TPCN1: variants seen among roughly 807,000 people sequenced by gnomAD.
The protein encoded by TPCN1 is two pore channel protein 1.
TPCN1 carries 52 observed loss-of-function variants against 108.8 expected under a neutral mutation model. That is an observed-to-expected ratio of 0.48 (90% CI 0.38 to 0.60). The LOEUF is 0.60. TPCN1 is among the 20% of genes least tolerant of loss of function. The pLI is 0.00. For synonymous variants in TPCN1, 446 were observed against 433.7 expected (o/e 1.03, Z -0.35); for missense variants, 806 against 1,072.8 (o/e 0.75, Z 3.47).
At chr12:113,239,084 T>G (rs1275313745) in intron 2 of TPCN1, among the ~76,000 whole-genome samples, 1 of 152,158 alleles carries the variant, frequency 6.6e-6, no homozygotes, top group Non-Finnish European at 1.5e-5. Context: ...CAGTGAGCCA[T>G]GATCACACTA....
intron 2 of TPCN1, chr12:113,246,048 C>T: frequency 4.4e-6 from 2 of 456,056 alleles, no homozygotes; most frequent in Non-Finnish European, 8.8e-6. Context: ...GGGAGTGTTA[C>T]CGTGTGTGCA....
chr12:113,234,954 C>G (rs1241158186), intron 2 of TPCN1, among the ~76,000 whole-genome samples: 1 of 152,188 alleles, frequency 6.6e-6, no homozygotes, highest in African/African-American at 2.4e-5. Context: ...TGCCCCTGCT[C>G]TCTCTGACGT....
intron 1 of TPCN1, among the ~76,000 whole-genome samples, chr12:113,223,055 A>C (rs1423792239): frequency 3.9e-5 from 6 of 152,250 alleles, no homozygotes; most frequent in Admixed American, 3.9e-4. Flanking sequence ...TAAGACTGCC[A>C]AATAGTAGTG....
At chr12:113,283,106 T>A (rs554236996) in intron 15 of TPCN1, among the ~76,000 whole-genome samples, 1 of 152,208 alleles carries the variant, frequency 6.6e-6, no homozygotes, top group African/African-American at 2.4e-5. Flanking sequence ...TTATGTAAAA[T>A]ACTTACATGG....
intron 12 of TPCN1, 70 bp from the exon 13 acceptor site, chr12:113,278,119 A>T: frequency 7.2e-7 from 1 of 1,386,118 alleles, no homozygotes; most frequent in Non-Finnish European, 1.0e-6. Flanking sequence ...ATAGGCAGGC[A>T]AGTAAGAGAA....
chr12:113,241,793 T>TGTGTGTGTGTGTGCGC (rs776600301), intron 2 of TPCN1, among the ~76,000 whole-genome samples: 6 of 150,430 alleles, frequency 4.0e-5, no homozygotes, highest in Non-Finnish European at 7.4e-5. Flanking sequence ...TGTGTGTGTG[T>TGTGTGTGTGTGTGCGC]GCGTGTGTGT....
intron 12 of TPCN1, among the ~76,000 whole-genome samples, chr12:113,277,718 C>T (rs1243003653): frequency 1.3e-5 from 2 of 152,114 alleles, no homozygotes; most frequent in East Asian, 1.9e-4. Context: ...ACACCTGGCT[C>T]GGCCGCAGAG....
intron 3 of TPCN1, among the ~76,000 whole-genome samples, chr12:113,263,963 C>T (rs925865695): frequency 6.6e-6 from 1 of 152,208 alleles, no homozygotes; most frequent in Non-Finnish European, 1.5e-5. Context: ...CCCATCTCTT[C>T]TGGGACAACT....
intron 2 of TPCN1, among the ~76,000 whole-genome samples, chr12:113,239,831 A>G (rs1954036184): frequency 6.6e-6 from 1 of 151,970 alleles, no homozygotes; most frequent in Middle Eastern, 3.4e-3. Flanking sequence ...TCTCTTTTTT[A>G]TCTCTCTTTT....
In TPCN1 at chr12:113,276,936, C is replaced by A; in HGVS notation, c.960C>A (p.Phe320Leu). ...FIMNLLLAVVFDTFNDIEKRK... is the reference protein window; with the variant it reads ...FIMNLLLAVVLDTFNDIEKRK... ...TCCCACAGCTTCTGGCTGTGGTGTT[C>A]GACACCTTCAATGACATTGAGAAAC... Residue 320 changes from phenylalanine to leucine, a missense_variant, in exon 11 of 28, where the codon TTC (phenylalanine) becomes TTA (leucine). By Grantham distance (22) the Phe-to-Leu change is conservative. Coordinates refer to ENST00000335509, the MANE Select transcript of TPCN1 (RefSeq NM_017901.6). 1 of 1,613,610 alleles carries A rather than the reference C, an allele frequency of 6.2e-7. No individual in the cohort carries two copies. Among genetic ancestry groups the A allele is most frequent in the South Asian group, 1.1e-5 (1 of 91,058 alleles).
chr12:113,277,035 G>T lies in TPCN1; in HGVS notation c.1059G>T (p.Arg353Ser). 2 of 1,613,366 alleles carry T rather than the reference G, an allele frequency of 1.2e-6. No homozygotes were observed. Among genetic ancestry groups the T allele is most frequent in the South Asian group, 2.2e-5 (2 of 91,054 alleles). ...QHAYRLLISQ[R>S]RPAGISYRQF... ...CCTACCGCCTGCTCATCAGCCAGAG[G>T]GTAGGAACTATGGGCCAGGGAGGGG... is the stretch of plus-strand genomic sequence containing the variant. Residue 353 changes from arginine (R) to serine (S), a missense_variant and splice_region_variant, in exon 11 of 28, where the codon AGG (arginine) becomes AGT (serine). Physicochemically the swap from Arg to Ser is moderately radical, Grantham distance 110. Coordinates refer to ENST00000335509, the MANE Select transcript of TPCN1 (RefSeq NM_017901.6).
At position 113,273,716 on chromosome 12, in the gene TPCN1, A is replaced by C; in HGVS notation, c.942+48A>C. ...ACGCTGAAGCAGCCTGCCCCTACCC[A>C]TGCAGCACTAGGCACTGTGGGAGTG... is the stretch of plus-strand genomic sequence containing the variant. On this transcript the variant is annotated intron_variant, in intron 10 of 27. Transcript: ENST00000335509. This position sits in a 1 kb window ranked among gnomAD's most constrained non-coding sequence, Gnocchi z 4.0. The C allele has an allele frequency of 7.9e-6, 11 of 1,399,752 alleles. No homozygotes were observed. The highest frequency in any genetic ancestry group is 1.7e-5 in the Admixed American group (1 of 59,740). 86.7% of individuals were successfully genotyped at this position (1,399,752 alleles called of 1,614,324 possible). A position where few individuals can be genotyped will look rare whatever the true frequency, so the allele number is the denominator to read the frequency against.
At chr12:113,253,283 C>T (rs1386914626) in intron 2 of TPCN1, among the ~76,000 whole-genome samples, 2 of 152,206 alleles carry the variant, frequency 1.3e-5, no homozygotes, top group African/African-American at 2.4e-5. Flanking sequence ...ATATTACCTA[C>T]TTGGCAGGAT....
intron 18 of TPCN1, 98 bp downstream of exon 18, chr12:113,286,059 G>T: frequency 3.6e-6 from 4 of 1,099,868 alleles, no homozygotes; most frequent in East Asian, 4.7e-5. Context: ...TTCTGGAATC[G>T]CAGAGGGAGG....
chr12:113,241,316 C>T (rs1422105517), intron 2 of TPCN1, among the ~76,000 whole-genome samples: 1 of 152,220 alleles, frequency 6.6e-6, no homozygotes, highest in Admixed American at 6.5e-5. Context: ...TCATGGCCGC[C>T]TCACCTCTTG....
chr12:113,269,775 C>A lies in TPCN1; in HGVS notation c.678C>A (p.Phe226Leu). 6.2e-7 allele frequency: 1 copy of A among 1,613,796 alleles called. No homozygotes were observed. Residue 226 changes from phenylalanine (F) to leucine (L), a missense_variant, in exon 7 of 28, where the codon TTC becomes TTA. Transcript: ENST00000335509. The surrounding 1 kb of genome is among the most constrained non-coding windows in gnomAD (Gnocchi z 5.0). ...GGVRRNLRQIFQSLPPFMDIL... is the reference protein window; with the variant it reads ...GGVRRNLRQILQSLPPFMDIL... ...TCCCCAGCAACCTGCGGCAGATCTT[C>A]CAGTCCCTGCCGCCCTTCATGGACA...
In TPCN1 at chr12:113,284,724, ACTT is replaced by A; in HGVS notation, c.1412_1414del (p.Phe471del). On this transcript the variant is annotated inframe_deletion, in exon 17 of 28. Coordinates refer to ENST00000335509, the MANE Select transcript of TPCN1 (RefSeq NM_017901.6). This position sits in a 1 kb window ranked among gnomAD's most constrained non-coding sequence, Gnocchi z 4.1. ...CTACTTCTCTGTCTTACAGGTGGGAACTTCTTCTCCAAGCACGTGCCCTGGAGT... is the reference window on the plus strand; with the variant it reads ...CTACTTCTCTGTCTTACAGGTGGGAACTTCTCCAAGCACGTGCCCTGGAGT... The A allele has an allele frequency of 1.9e-6, 3 of 1,614,180 alleles. No individual in the cohort carries two copies. The highest frequency in any genetic ancestry group is 2.5e-6 in the Non-Finnish European group (3 of 1,180,016).
At chr12:113,285,411 C>T (rs114899630) in intron 17 of TPCN1, among the ~76,000 whole-genome samples, 4,986 of 152,272 alleles carry the variant, frequency 0.033, 251 homozygotes, top group African/African-American at 0.11. Flanking sequence ...TTCTCTGTCA[C>T]CCAAGCTGGA....
At chr12:113,245,518 G>T (rs1219446762) in intron 2 of TPCN1, among the ~76,000 whole-genome samples, 1 of 139,072 alleles carries the variant, frequency 7.2e-6, no homozygotes, top group African/African-American at 2.8e-5. Context: ...GGAGAATGGC[G>T]TGAGCCCGGG....
Sources: gnomAD v4.1 joint callset for allele counts (sites outside exome capture counted in the v4.1 genomes callset) on GRCh38, gnomAD v4.1.1 for gene constraint, Gnocchi (gnomAD v3.1) non-coding constraint, MANE v1.5 for transcripts, NCBI Gene and HGNC (gene_info 2026-07-23, HGNC 2026-07-21) for gene names.